Variants in C8orf34 observed in about 807,000 individuals in gnomAD.
The protein encoded by C8orf34 is uncharacterized protein C8orf34.
C8orf34 carries 65 observed loss-of-function variants against 68.3 expected under a neutral mutation model. That is an observed-to-expected ratio of 0.95 (90% CI 0.78 to 1.17). The LOEUF is 1.17. Ranked by LOEUF, C8orf34 falls within the 50% of genes most tolerant of loss-of-function variation. The probability of loss-of-function intolerance (pLI) is 0.00; values close to 1 mark genes in which losing one functional copy is unlikely to be tolerated. For missense variants in C8orf34, 664 were observed against 655.4 expected, an observed-to-expected ratio of 1.01 and a Z score of -0.14; for synonymous variants, 244 against 241.2, an observed-to-expected ratio of 1.01 and a Z score of -0.11.
At chr8:68,769,431 T>G (rs719689) in intron 10 of C8orf34, among the ~76,000 whole-genome samples, 43,160 of 151,676 alleles carry the variant, frequency 0.28, 6,591 homozygotes, top group African/African-American at 0.38. Context: ...ATTTTGAATC[T>G]TTTCATATTT....
At chr8:68,340,342 T>A (rs1171654505) in intron 1 of C8orf34, among the ~76,000 whole-genome samples, 3 of 152,066 alleles carry the variant, frequency 2.0e-5, no homozygotes, top group Admixed American at 6.6e-5. Context: ...GTAACACAAA[T>A]GAATCCTGAA....
At chr8:68,538,310 C>T (rs1056816813) in intron 7 of C8orf34, among the ~76,000 whole-genome samples, 1 of 152,134 alleles carries the variant, frequency 6.6e-6, no homozygotes, top group African/African-American at 2.4e-5. Flanking sequence ...CCAGCTTATA[C>T]TCTAATGACC....
intron 11 of C8orf34, among the ~76,000 whole-genome samples, chr8:68,778,291 C>T (rs1823578257): frequency 6.6e-6 from 1 of 152,038 alleles, no homozygotes; most frequent in East Asian, 1.9e-4. Context: ...ATGTTAGAAG[C>T]ATTGAGGCTA....
chr8:68,421,633 C>T (rs902091312), intron 1 of C8orf34, among the ~76,000 whole-genome samples: 5 of 152,132 alleles, frequency 3.3e-5, no homozygotes, highest in African/African-American at 1.2e-4. Flanking sequence ...GGTGGGTGGT[C>T]TGATGTTTCC....
At chr8:68,640,025 G>T (rs1419271304) in intron 7 of C8orf34, among the ~76,000 whole-genome samples, 2 of 152,200 alleles carry the variant, frequency 1.3e-5, no homozygotes, top group African/African-American at 4.8e-5. Context: ...GGCAGTCATT[G>T]ACCAAGTCCT....
intron 2 of C8orf34, among the ~76,000 whole-genome samples, chr8:68,442,565 T>C (rs1384278636): frequency 1.3e-5 from 2 of 151,668 alleles, no homozygotes; most frequent in Non-Finnish European, 2.9e-5. Flanking sequence ...GATGGAGAGG[T>C]TCAGACAGAG....
At chr8:68,645,268 G>A (rs1338986536) in intron 8 of C8orf34, among the ~76,000 whole-genome samples, 1 of 152,056 alleles carries the variant, frequency 6.6e-6, no homozygotes, top group African/African-American at 2.4e-5. Context: ...CGAGTGGGAA[G>A]GCTGGATACA....
Position 68,612,273 on chromosome 8 carries a change from A to C in C8orf34, c.1106-28103A>C, listed in dbSNP as rs565898931. Among the ~76,000 whole-genome samples, 51 of 152,250 alleles carry C rather than the reference A, an allele frequency of 3.3e-4. 1 individual carries two copies. The highest frequency in any genetic ancestry group is 1.2e-3 in the African/African-American group (51 of 41,556). On this transcript the variant is annotated intron_variant, in intron 7 of 13. Transcript: ENST00000518698. ...TGCACTGGCTCACTCAACCAACATA[A>C]CAATCTTGAGTTAGCCAGTTCTTTT...
At chr8:68,480,402 A>G (rs1196653753) in intron 4 of C8orf34, among the ~76,000 whole-genome samples, 1 of 152,186 alleles carries the variant, frequency 6.6e-6, no homozygotes, top group Non-Finnish European at 1.5e-5. Flanking sequence ...TGTCTTTATC[A>G]GCAGTGTGAA....
At chr8:68,779,133 C>T (rs1164378962) in intron 11 of C8orf34, among the ~76,000 whole-genome samples, 1 of 151,254 alleles carries the variant, frequency 6.6e-6, no homozygotes, top group Non-Finnish European at 1.5e-5. Flanking sequence ...GCTGTGATCT[C>T]GCCACTGCAC....
rs112918287 is a variant in C8orf34, at chr8:68,512,785, C to CAAA, written c.766-9002_766-9000dup. On this transcript the variant is annotated intron_variant, in intron 5 of 13. Transcript: ENST00000518698. ...TCCATACCTCCTTATAACCTTTTAC[C>CAAA]AAAAAAAAAAAAAACCACCAACAAC... 8.3e-3 allele frequency among the ~76,000 whole-genome samples: 1,127 copies of CAAA among 136,186 alleles called. 17 individuals are homozygous for CAAA. The highest frequency in any genetic ancestry group is 0.027 in the African/African-American group (1,036 of 38,488). The allele number at this position is 136,186 out of a possible 152,430, so 89.3% of individuals were successfully genotyped here.
intron 12 of C8orf34, among the ~76,000 whole-genome samples, chr8:68,803,340 C>A (rs1177300358): frequency 3.9e-5 from 6 of 151,978 alleles, no homozygotes; most frequent in South Asian, 4.1e-4. Flanking sequence ...AATGTATTAC[C>A]AGATTAATTT....
intron 5 of C8orf34, among the ~76,000 whole-genome samples, chr8:68,501,726 A>G (rs1193800370): frequency 2.0e-5 from 3 of 152,158 alleles, no homozygotes; most frequent in Non-Finnish European, 2.9e-5. Context: ...CTCAAGATGG[A>G]GCTTTGTGAG....
intron 7 of C8orf34, among the ~76,000 whole-genome samples, chr8:68,590,801 T>G (rs904339665): frequency 6.6e-6 from 1 of 152,126 alleles, no homozygotes; most frequent in South Asian, 2.1e-4. Flanking sequence ...AAGTGTCTAC[T>G]GAGAACTGAG....
At chr8:68,607,696 G>T (rs1050975901) in intron 7 of C8orf34, among the ~76,000 whole-genome samples, 1 of 152,050 alleles carries the variant, frequency 6.6e-6, no homozygotes. Context: ...ATCATTTCTT[G>T]TACCTTGTAA....
intron 11 of C8orf34, among the ~76,000 whole-genome samples, chr8:68,784,252 G>T (rs566187114): frequency 5.3e-5 from 8 of 152,222 alleles, no homozygotes; most frequent in African/African-American, 1.9e-4. Context: ...TTTGCAAATT[G>T]TTCCTCCGTT....
At chr8:68,668,240 T>C (rs1237928456) in intron 8 of C8orf34, among the ~76,000 whole-genome samples, 1 of 152,128 alleles carries the variant, frequency 6.6e-6, no homozygotes, top group Non-Finnish European at 1.5e-5. Flanking sequence ...AAGTACCAAG[T>C]TGTATAACAC....
intron 5 of C8orf34, among the ~76,000 whole-genome samples, chr8:68,490,334 G>A (rs1813258474): frequency 6.6e-6 from 1 of 151,926 alleles, no homozygotes; most frequent in Non-Finnish European, 1.5e-5. Context: ...TTTTTTCTGA[G>A]CTCTGACTTG....
At chr8:68,569,478 C>G (rs573720823) in intron 7 of C8orf34, among the ~76,000 whole-genome samples, 1 of 151,114 alleles carries the variant, frequency 6.6e-6, no homozygotes, top group African/African-American at 2.5e-5. Flanking sequence ...CATTGATGCC[C>G]GGGACTCCCA....
Sources: allele counts gnomAD v4.1 joint callset (sites outside exome capture counted in the v4.1 genomes callset), GRCh38; gene constraint gnomAD v4.1.1; transcripts MANE v1.5; gene names NCBI Gene and HGNC (gene_info 2026-07-23, HGNC 2026-07-21).